Variants in TNR observed in about 807,000 individuals in gnomAD.
TNR encodes tenascin-R.
A neutral mutation model predicts 150.4 loss-of-function variants in TNR; 45 were observed. That is an observed-to-expected ratio of 0.30 (90% CI 0.24 to 0.38). The LOEUF (loss-of-function observed/expected upper bound fraction) is 0.38, where lower values mean the gene tolerates loss of function less well. Among genes scored for constraint, TNR ranks in the 10% least tolerant of loss-of-function variants. TNR has a pLI of 1.00. For synonymous variants in TNR, 687 were observed against 678.4 expected (o/e 1.01, Z -0.20); for missense variants, 1,544 against 1,759.1 (o/e 0.88, Z 2.19).
At chr1:175,661,275 G>A (rs1665363156) in intron 1 of TNR, among the ~76,000 whole-genome samples, 1 of 152,160 alleles carries the variant, frequency 6.6e-6, no homozygotes, top group African/African-American at 2.4e-5. Context: ...AACCCCAGCT[G>A]ACTTCACAAG....
At chr1:175,609,540 T>A (rs1200394193) in intron 1 of TNR, among the ~76,000 whole-genome samples, 4 of 152,166 alleles carry the variant, frequency 2.6e-5, no homozygotes, top group Non-Finnish European at 5.9e-5. Context: ...AGTAGTGGTG[T>A]CATCTGAGGT....
intron 1 of TNR, among the ~76,000 whole-genome samples, chr1:175,736,421 T>C (rs1314641800): frequency 1.3e-5 from 2 of 152,050 alleles, no homozygotes; most frequent in East Asian, 1.9e-4. Context: ...CTTGGGAGGC[T>C]GAGGCAAGAG....
At chr1:175,463,515 C>T (rs1419070080) in intron 2 of TNR, among the ~76,000 whole-genome samples, 1 of 152,236 alleles carries the variant, frequency 6.6e-6, no homozygotes, top group Non-Finnish European at 1.5e-5. Context: ...GCCTAGGTGC[C>T]TCTTGATTCC....
intron 1 of TNR, among the ~76,000 whole-genome samples, chr1:175,702,359 G>T (rs1666721894): frequency 6.6e-6 from 1 of 152,144 alleles, no homozygotes; most frequent in Admixed American, 6.5e-5. Context: ...TTGTCACCCA[G>T]CCAGGATTCT....
chr1:175,669,030 T>C (rs1476426827), intron 1 of TNR, among the ~76,000 whole-genome samples: 2 of 152,154 alleles, frequency 1.3e-5, no homozygotes, highest in Admixed American at 1.3e-4. Context: ...CAGCTTCCCC[T>C]AGGAGCTTGC....
rs561256140 is a variant in TNR at position 175,651,945 on chromosome 1, A to G, written c.-165+91281T>C. 8.9e-4 allele frequency among the ~76,000 whole-genome samples: 135 copies of G among 151,406 alleles called. 1 individual carries two copies. The highest frequency in any genetic ancestry group is 3.1e-3 in the African/African-American group (127 of 41,474). On this transcript the variant is annotated intron_variant, in intron 1 of 22. Coordinates refer to ENST00000367674, the MANE Select transcript of TNR (RefSeq NM_003285.3). ...AATTACTATGTTCATGGATGAAATA[A>G]GAATAATTATATTATTATTTTAATA...
chr1:175,551,116 C>T (rs999558999), intron 1 of TNR, among the ~76,000 whole-genome samples: 1 of 152,176 alleles, frequency 6.6e-6, no homozygotes, highest in Non-Finnish European at 1.5e-5. Context: ...AGAAAGTTCT[C>T]TTCTATGGAG....
chr1:175,393,644 C>G (rs1653284772), intron 6 of TNR, 136 bp downstream of exon 6: 2 of 744,906 alleles, frequency 2.7e-6, no homozygotes, highest in African/African-American at 3.5e-5. Flanking sequence ...CCCAGACACC[C>G]ACAACATGCC....
intron 18 of TNR, among the ~76,000 whole-genome samples, chr1:175,339,257 A>T (rs1326470217): frequency 6.6e-6 from 1 of 152,234 alleles, no homozygotes; most frequent in South Asian, 2.1e-4. Context: ...GAAGATAGAA[A>T]TCTATGCATA....
rs771261869 is a variant in TNR, at chr1:175,330,196, T to C, written c.3671A>G (p.Tyr1224Cys). ...NIHRITSQGR[Y>C]ELRVDMRDGQ... The stretch of plus-strand genomic sequence containing the variant: ...ATCCCGCATGTCCACGCGCAGCTCA[T>C]AGCGGCCCTGGGATGTGATCCTGTG... The change falls in exon 21 of 23, where the codon TAT becomes TGT. Residue 1224 changes from tyrosine to cysteine, a missense_variant. This residue lies in a region of TNR where 290 missense variants were observed against 429.7 expected (regional missense o/e 0.67). Coordinates refer to ENST00000367674, the MANE Select transcript of TNR (RefSeq NM_003285.3). 1.9e-6 allele frequency: 3 copies of C among 1,611,206 alleles called. No homozygotes were observed. The highest frequency in any genetic ancestry group is 1.7e-6 in the Non-Finnish European group (2 of 1,177,870).
At chr1:175,633,054 A>C (rs1164096060) in intron 1 of TNR, among the ~76,000 whole-genome samples, 1 of 152,140 alleles carries the variant, frequency 6.6e-6, no homozygotes, top group Non-Finnish European at 1.5e-5. Flanking sequence ...TCTATCTGGA[A>C]TACCCACCCC....
chr1:175,534,860 G>A (rs1660208029), intron 1 of TNR, among the ~76,000 whole-genome samples: 1 of 152,192 alleles, frequency 6.6e-6, no homozygotes, highest in Non-Finnish European at 1.5e-5. Context: ...CATGGGGGCA[G>A]TTTCCTCCAT....
In TNR at chr1:175,398,309, C is replaced by T. The variant is rs77663703; in HGVS notation, c.977-1502G>A. Among the ~76,000 whole-genome samples, 209 of 152,276 alleles carry T rather than the reference C, an allele frequency of 1.4e-3. 2 individuals carry two copies. In the East Asian group the frequency reaches 0.031, roughly 22 times the overall value. On this transcript the variant is annotated intron_variant, in intron 4 of 22. Coordinates refer to ENST00000367674, the MANE Select transcript of TNR (RefSeq NM_003285.3). The stretch of plus-strand genomic sequence containing the variant: ...TAAAACAGTCTAGAAAGCAGAGCTT[C>T]TTGAGGATGGCAAATGTTGACCAAA...
At chr1:175,741,338 G>C (rs967153983) in intron 1 of TNR, among the ~76,000 whole-genome samples, 3 of 152,016 alleles carry the variant, frequency 2.0e-5, no homozygotes, top group African/African-American at 7.2e-5. Flanking sequence ...TTTTTTTTCA[G>C]AGAAAATTTA....
chr1:175,553,817 A>AC (rs1553238669), intron 1 of TNR, among the ~76,000 whole-genome samples: 11,531 of 145,358 alleles, frequency 0.079, 544 homozygotes, highest in African/African-American at 0.12. Context: ...TACAAGAACA[A>AC]ACACACACAC....
At chr1:175,613,539 G>A (rs1255994032) in intron 1 of TNR, among the ~76,000 whole-genome samples, 2 of 137,026 alleles carry the variant, frequency 1.5e-5, no homozygotes, top group Non-Finnish European at 3.1e-5. Context: ...TGGCATGATT[G>A]GAGCCTGCCC....
chr1:175,656,145 T>A (rs867017951), intron 1 of TNR, among the ~76,000 whole-genome samples: 71 of 116,672 alleles, frequency 6.1e-4, no homozygotes, highest in Middle Eastern at 8.3e-3. Context: ...GGTTGAAGTG[T>A]GTGTGTGTGT....
At chr1:175,629,881 T>C (rs1378872169) in intron 1 of TNR, among the ~76,000 whole-genome samples, 2 of 152,194 alleles carry the variant, frequency 1.3e-5, no homozygotes, top group Non-Finnish European at 2.9e-5. Flanking sequence ...GATATGGACA[T>C]AATACCTATA....
At position 175,540,678 on chromosome 1, in the gene TNR, A is replaced by G. The variant is rs1366221964; in HGVS notation, c.-164-12309T>C. Reference sequence around the variant, plus strand: ...TACCATCCTTTCTGCCCCACCCAGCATTCACTTCAAATCCATCCACTCTCC... The same window carrying G: ...TACCATCCTTTCTGCCCCACCCAGCGTTCACTTCAAATCCATCCACTCTCC... On this transcript the variant is annotated intron_variant, in intron 1 of 22. Coordinates refer to ENST00000367674, the MANE Select transcript of TNR (RefSeq NM_003285.3). Among the ~76,000 whole-genome samples the G allele has an allele frequency of 2.6e-5, 4 of 151,978 alleles. No homozygotes were observed. The East Asian group carries it at 7.7e-4, about 29-fold the overall frequency.
Sources: gnomAD v4.1 joint callset for allele counts (sites outside exome capture counted in the v4.1 genomes callset) on GRCh38, gnomAD v4.1.1 for gene constraint, gnomAD v4.1.1 regional missense constraint, MANE v1.5 for transcripts, NCBI Gene and HGNC (gene_info 2026-07-23, HGNC 2026-07-21) for gene names.